UBA6: variants seen among roughly 807,000 people sequenced by gnomAD.
UBA6 encodes the protein ubiquitin-like modifier-activating enzyme 6.
UBA6 carries 87 observed loss-of-function variants against 148.3 expected under a neutral mutation model. The ratio of observed to expected loss-of-function variants is 0.59; its 90% CI spans 0.49 to 0.70. The LOEUF is 0.70. UBA6 is among the 30% of genes least tolerant of loss of function. The pLI is 0.00. For synonymous variants in UBA6, 376 were observed against 401.0 expected (o/e 0.94, Z 0.75); for missense variants, 1,186 against 1,241.2 (o/e 0.96, Z 0.67).
chr4:67,644,922 C>A (rs1220528411), intron 16 of UBA6, 144 bp from the exon 17 acceptor site: 3 of 511,588 alleles, frequency 5.9e-6, no homozygotes, highest in African/African-American at 3.8e-5. Context: ...CATAATTGTA[C>A]AATTTCTTTA....
chr4:67,666,326 C>T (rs1325498427), intron 9 of UBA6, among the ~76,000 whole-genome samples: 1 of 151,134 alleles, frequency 6.6e-6, no homozygotes, highest in Non-Finnish European at 1.5e-5. Flanking sequence ...CAAGTAAGCC[C>T]CCCCTTTACT....
intron 20 of UBA6, among the ~76,000 whole-genome samples, chr4:67,634,899 A>C (rs1207546606): frequency 1.3e-5 from 2 of 152,120 alleles, no homozygotes; most frequent in African/African-American, 4.8e-5. Flanking sequence ...GTGCTCAGAA[A>C]AGCATGAGTT....
rs1728781405 is a variant in UBA6, at chr4:67,622,858, G to A, written c.2996C>T (p.Pro999Leu). 6.2e-7 allele frequency: 1 copy of A among 1,612,308 alleles called. No homozygotes were observed. Among genetic ancestry groups the A allele is most frequent in the Non-Finnish European group, 8.5e-7 (1 of 1,179,278 alleles). The stretch of plus-strand genomic sequence containing the variant: ...TAACTTCAATCTTTTTGCATGACCA[G>A]GCATTACAGGAACATAAAGCATTTT... ...GVKMLYVPVM[P>L]GHAKRLKLTM... The change falls in exon 32 of 33, where the codon CCT (proline) becomes CTT (leucine). Residue 999 changes from proline to leucine, a missense_variant. Pro to Leu is a moderately conservative substitution (Grantham distance 98). Coordinates refer to ENST00000322244, the MANE Select transcript of UBA6 (RefSeq NM_018227.6).
chr4:67,626,565 A>C lies in UBA6; in HGVS notation c.2401-88T>G, dbSNP rs375093734. 4.9e-6 allele frequency: 4 copies of C among 810,274 alleles called. No homozygotes were observed. The African/African-American group carries it at 7.0e-5, about 14-fold the overall frequency. 50.2% of individuals were successfully genotyped at this position (810,274 alleles called of 1,614,324 possible). A position where few individuals can be genotyped will look rare whatever the true frequency, so the allele number is the denominator to read the frequency against. On this transcript the variant is annotated intron_variant, in intron 27 of 32. Transcript: ENST00000322244. ...TTAACTGTTTTATCAAATTACAAAG[A>C]GAAAATATTTTCTCTATATATTTTG...
Position 67,701,087 on chromosome 4 carries a change from C to T in UBA6, c.33G>A (p.Gln11=), listed in dbSNP as rs146120551. 58 of 1,613,694 alleles carry T rather than the reference C, an allele frequency of 3.6e-5. No individual in the cohort carries two copies. The highest frequency in any genetic ancestry group is 5.0e-5 in the Admixed American group (3 of 60,000). MEGSEPVAAH[Q]GEEASCSSWG... is the part of the protein sequence containing the mutation. Reference sequence around the variant, plus strand: ...AGGAAGAACAGGACGCCTCTTCCCCCTGATGGGCGGCCACAGGCTCGGATC... The same window carrying T: ...AGGAAGAACAGGACGCCTCTTCCCCTTGATGGGCGGCCACAGGCTCGGATC... The change falls in exon 1 of 33, where the codon CAG becomes CAA. Residue 11 remains glutamine (Q), a synonymous_variant. Transcript: ENST00000322244.
chr4:67,701,148 TGGAAGGTAGGAAGG>T (rs756962418), exon 1 of UBA6: 28 of 1,602,418 alleles, frequency 1.7e-5, no homozygotes, highest in East Asian at 6.1e-4. Context: ...CGCCGGCTAC[TGGAAGGTAGGAAGG>T]GGCGGGACCG....
At chr4:67,678,061 A>G (rs1730329272) in intron 5 of UBA6, among the ~76,000 whole-genome samples, 1 of 144,386 alleles carries the variant, frequency 6.9e-6, no homozygotes, top group South Asian at 2.1e-4. Flanking sequence ...AGTGTAATAT[A>G]TATATATCTT....
Position 67,682,479 on chromosome 4 carries a change from G to C in UBA6, c.135-266C>G, listed in dbSNP as rs143727398. 1.1e-3 allele frequency among the ~76,000 whole-genome samples: 161 copies of C among 152,282 alleles called. 1 individual carries two copies. The highest frequency in any genetic ancestry group is 3.5e-3 in the African/African-American group (147 of 41,550). ...TAAGAGTTGCCCTGTTTAGGCAGGA[G>C]GATTATGTGCTCCAGATTTGCCACA... On this transcript the variant is annotated intron_variant, in intron 2 of 32. Coordinates refer to ENST00000322244, the MANE Select transcript of UBA6 (RefSeq NM_018227.6).
chr4:67,673,783 G>A lies in UBA6; in HGVS notation c.466-6C>T, dbSNP rs755073083. 2.5e-6 allele frequency: 4 copies of A among 1,588,496 alleles called. No homozygotes were observed. In the African/African-American group the frequency reaches 4.0e-5, roughly 16 times the overall value. ...ATCTCAGTCAATACTACACACTGTT[G>A]AGAAAACAACAAATTAAAAACTAGA... On this transcript the variant is annotated splice_polypyrimidine_tract_variant and splice_region_variant and intron_variant, in intron 6 of 32. Coordinates refer to ENST00000322244, the MANE Select transcript of UBA6 (RefSeq NM_018227.6).
intron 13 of UBA6, among the ~76,000 whole-genome samples, chr4:67,660,833 G>A (rs977363431): frequency 6.6e-6 from 1 of 152,178 alleles, no homozygotes; most frequent in Non-Finnish European, 1.5e-5. Context: ...CAGTCGGAAG[G>A]GGGGCTGTAC....
At chr4:67,639,775 T>A (rs766807696) in intron 18 of UBA6, among the ~76,000 whole-genome samples, 2 of 152,118 alleles carry the variant, frequency 1.3e-5, no homozygotes. Context: ...TAGTAAGAGA[T>A]TAATAACAAT....
intron 25 of UBA6, 45 bp downstream of exon 25, chr4:67,631,663 G>T: frequency 7.1e-7 from 1 of 1,416,762 alleles, no homozygotes; most frequent in Non-Finnish European, 9.8e-7. Context: ...TTACAGTAAA[G>T]AAATATATAA....
In UBA6 at chr4:67,616,045, T is replaced by C. The variant is rs1728619418; in HGVS notation, c.*2952A>G. 1.0e-5 allele frequency: 4 copies of C among 389,812 alleles called. No individual in the cohort carries two copies. In the East Asian group the frequency reaches 1.4e-4, roughly 14 times the overall value. The allele number at this position is 389,812 out of a possible 1,614,324, so 24.1% of individuals were successfully genotyped here. On this transcript the variant is annotated 3_prime_UTR_variant, in exon 33 of 33. Transcript: ENST00000322244. ...TATTTTATGTATTTTTGAATATATA[T>C]GTGTTTTTGAAAAATATATATTTCT...
At chr4:67,685,966 A>G (rs751937405) in intron 2 of UBA6, among the ~76,000 whole-genome samples, 7 of 152,174 alleles carry the variant, frequency 4.6e-5, no homozygotes, top group Non-Finnish European at 1.0e-4. Context: ...GTAATATGTC[A>G]GGTACTTTGC....
intron 2 of UBA6, among the ~76,000 whole-genome samples, chr4:67,682,875 G>A (rs750977263): frequency 6.6e-6 from 1 of 152,052 alleles, no homozygotes; most frequent in African/African-American, 2.4e-5. Flanking sequence ...AGATTAGTTC[G>A]ATATAAATAA....
chr4:67,671,696 A>C (rs141908926), intron 7 of UBA6, among the ~76,000 whole-genome samples: 323 of 152,276 alleles, frequency 2.1e-3, no homozygotes, highest in Non-Finnish European at 3.9e-3. Flanking sequence ...AAAAATTTTC[A>C]ACACACCTAC....
intron 2 of UBA6, among the ~76,000 whole-genome samples, chr4:67,695,727 T>C (rs1560504933): frequency 6.6e-6 from 1 of 152,294 alleles, no homozygotes; most frequent in East Asian, 1.9e-4. Context: ...TTCTAAACCA[T>C]ATTTTATAAT....
intron 13 of UBA6, among the ~76,000 whole-genome samples, chr4:67,654,390 G>C (rs1332403754): frequency 6.6e-6 from 1 of 152,106 alleles, no homozygotes; most frequent in Non-Finnish European, 1.5e-5. Context: ...ATTCAACATT[G>C]TTAAAGAAAA....
At position 67,675,138 on chromosome 4, in the gene UBA6, G is replaced by A. The variant is rs78833795; in HGVS notation, c.466-1361C>T. ...GCCTGCCTTGACTTCCAAAGTGCTG[G>A]GATATTTTCTTTATTTCTATGTGCT... On this transcript the variant is annotated intron_variant, in intron 6 of 32. Transcript: ENST00000322244. Among the ~76,000 whole-genome samples, 4 of 152,254 alleles carry A rather than the reference G, an allele frequency of 2.6e-5. No individual in the cohort carries two copies. In the East Asian group the frequency reaches 7.7e-4, roughly 29 times the overall value.
Sources: gnomAD v4.1 joint callset for allele counts (sites outside exome capture counted in the v4.1 genomes callset) on GRCh38, gnomAD v4.1.1 for gene constraint, MANE v1.5 for transcripts, NCBI Gene and HGNC (gene_info 2026-07-23, HGNC 2026-07-21) for gene names.